LYPD6B: variants seen among roughly 807,000 people sequenced by gnomAD.
The protein encoded by LYPD6B is ly6/PLAUR domain-containing protein 6B.
A neutral mutation model predicts 22.8 loss-of-function variants in LYPD6B; 17 were observed. The observed-to-expected ratio is 0.75, with a 90% CI of 0.51 to 1.12. The LOEUF is 1.12. LYPD6B is among the 50% of genes most tolerant of loss of function. The pLI, the probability that LYPD6B is intolerant of heterozygous loss-of-function variation, is 0.00. For missense variants in LYPD6B, 221 were observed against 258.3 expected, an observed-to-expected ratio of 0.86 and a Z score of 0.99; for synonymous variants, 106 against 91.6, an observed-to-expected ratio of 1.16 and a Z score of -0.90.
At chr2:149,165,119 C>A (rs1172506305) in intron 3 of LYPD6B, among the ~76,000 whole-genome samples, 1 of 152,160 alleles carries the variant, frequency 6.6e-6, no homozygotes, top group East Asian at 1.9e-4. Flanking sequence ...TGACTCATTT[C>A]TGCCACATGG....
chr2:149,081,386 T>C (rs16826487), intron 1 of LYPD6B, among the ~76,000 whole-genome samples: 2,002 of 152,290 alleles, frequency 0.013, 55 homozygotes, highest in African/African-American at 0.045. Flanking sequence ...GAAGTCAGAG[T>C]TCTCTTGGTG....
At chr2:149,076,854 T>C (rs1684901178) in intron 1 of LYPD6B, among the ~76,000 whole-genome samples, 1 of 152,186 alleles carries the variant, frequency 6.6e-6, no homozygotes. Context: ...TTGTTATGAA[T>C]GTTTTAAACC....
intron 3 of LYPD6B, among the ~76,000 whole-genome samples, chr2:149,172,674 A>G (rs972831420): frequency 6.6e-6 from 1 of 152,164 alleles, no homozygotes; most frequent in Non-Finnish European, 1.5e-5. Context: ...GGATGTTTCT[A>G]GAAGAGATGA....
intron 2 of LYPD6B, among the ~76,000 whole-genome samples, chr2:149,142,717 T>A (rs904518455): frequency 1.3e-5 from 2 of 152,176 alleles, no homozygotes; most frequent in Non-Finnish European, 2.9e-5. Context: ...TTGCCCAGGC[T>A]GGCCTTGAAC....
chr2:149,214,496 T>A, intron 6 of LYPD6B, 50 bp from the exon 7 acceptor site: 2 of 1,574,572 alleles, frequency 1.3e-6, no homozygotes, highest in Non-Finnish European at 1.7e-6. Context: ...CTTTTGCCCC[T>A]TCCCTCTTCT....
At chr2:149,187,570 C>T (rs1215150421) in intron 3 of LYPD6B, 2 of 1,417,604 alleles carry the variant, frequency 1.4e-6, no homozygotes, top group Admixed American at 3.2e-5. Context: ...AACATGAAGC[C>T]TGACACATTG....
intron 2 of LYPD6B, among the ~76,000 whole-genome samples, chr2:149,156,359 C>T (rs977153828): frequency 6.6e-5 from 10 of 152,142 alleles, no homozygotes; most frequent in Admixed American, 2.6e-4. Context: ...AGAGTGTCCC[C>T]GTGACCTTTC....
chr2:149,085,768 G>A (rs1248044680), intron 1 of LYPD6B, among the ~76,000 whole-genome samples: 3 of 152,220 alleles, frequency 2.0e-5, no homozygotes, highest in Non-Finnish European at 4.4e-5. Flanking sequence ...AATTCTTCTA[G>A]TAACTTGTAT....
chr2:149,173,967 T>C (rs553998805), intron 3 of LYPD6B, among the ~76,000 whole-genome samples: 2 of 152,372 alleles, frequency 1.3e-5, no homozygotes, highest in East Asian at 3.9e-4. Flanking sequence ...GTATTGAATC[T>C]ATAAATTGCT....
At chr2:149,169,629 ATCTCT>A (rs147281356) in intron 3 of LYPD6B, among the ~76,000 whole-genome samples, 12,908 of 152,166 alleles carry the variant, frequency 0.085, 698 homozygotes, top group East Asian at 0.12. Flanking sequence ...GAAGTTACAA[ATCTCT>A]TCTCTTCCAT....
intron 3 of LYPD6B, among the ~76,000 whole-genome samples, chr2:149,176,005 A>G (rs1489048140): frequency 1.3e-5 from 2 of 152,244 alleles, no homozygotes; most frequent in African/African-American, 4.8e-5. Flanking sequence ...ATAATAAAAT[A>G]TAGTAAATAC....
At chr2:149,073,289 C>T (rs1684728875) in intron 1 of LYPD6B, among the ~76,000 whole-genome samples, 1 of 152,172 alleles carries the variant, frequency 6.6e-6, no homozygotes, top group Non-Finnish European at 1.5e-5. Context: ...GCAGAGGCAC[C>T]CTGACAGCTT....
At chr2:149,186,758 A>G (rs906559862) in intron 3 of LYPD6B, among the ~76,000 whole-genome samples, 2 of 152,170 alleles carry the variant, frequency 1.3e-5, no homozygotes, top group Non-Finnish European at 2.9e-5. Flanking sequence ...ATATTTCAGA[A>G]ACTTAGTTGG....
intron 3 of LYPD6B, among the ~76,000 whole-genome samples, chr2:149,173,349 CTTTTTTT>C (rs67113716): frequency 3.4e-5 from 2 of 58,488 alleles, no homozygotes; most frequent in Non-Finnish European, 5.8e-5. Context: ...TCTGTCAGGC[CTTTTTTT>C]TTTTTTTTTT....
At chr2:149,102,547 A>G (rs1045605920) in intron 1 of LYPD6B, among the ~76,000 whole-genome samples, 1 of 152,332 alleles carries the variant, frequency 6.6e-6, no homozygotes, top group African/African-American at 2.4e-5. Context: ...GGGTGGGACC[A>G]GAAGATGTAG....
intron 2 of LYPD6B, among the ~76,000 whole-genome samples, chr2:149,134,232 G>A (rs1178801038): frequency 6.6e-6 from 1 of 152,186 alleles, no homozygotes; most frequent in East Asian, 1.9e-4. Flanking sequence ...CTTCTCTGCA[G>A]TCACATCTTA....
chr2:149,176,659 TCA>T (rs960077720), intron 3 of LYPD6B, among the ~76,000 whole-genome samples: 1 of 152,136 alleles, frequency 6.6e-6, no homozygotes, highest in Non-Finnish European at 1.5e-5. Context: ...ACCATTTGAT[TCA>T]CAGACTTCCA....
rs190046325 is a variant in LYPD6B at position 149,193,164 on chromosome 2, C to T, written c.78-12089C>T. 9.8e-4 allele frequency among the ~76,000 whole-genome samples: 149 copies of T among 152,188 alleles called. 1 individual carries two copies. The highest frequency in any genetic ancestry group is 3.5e-3 in the African/African-American group (144 of 41,536). Reference sequence around the variant, plus strand: ...AGGCCTCTCACCTTCCAGATGGTCACCTCACCAAGTACTTTGGCCAGTCTC... The same window carrying T: ...AGGCCTCTCACCTTCCAGATGGTCATCTCACCAAGTACTTTGGCCAGTCTC... On this transcript the variant is annotated intron_variant, in intron 3 of 6. Coordinates refer to ENST00000409642, the MANE Select transcript of LYPD6B (RefSeq NM_177964.5).
chr2:149,095,122 C>G (rs1685843677), intron 1 of LYPD6B, among the ~76,000 whole-genome samples: 3 of 152,030 alleles, frequency 2.0e-5, no homozygotes, highest in Admixed American at 2.0e-4. Flanking sequence ...ATGGTGAAAC[C>G]TCGTCTCTAC....
Sources: allele counts gnomAD v4.1 joint callset (sites outside exome capture counted in the v4.1 genomes callset), GRCh38; gene constraint gnomAD v4.1.1; transcripts MANE v1.5; gene names NCBI Gene and HGNC (gene_info 2026-07-23, HGNC 2026-07-21).